Variants in AKAP19 observed in about 807,000 individuals in gnomAD.
AKAP19 encodes the protein small A-kinase anchoring protein.
chr2:190,005,628 C>A, the AKAP19 span, among the ~76,000 whole-genome samples: 5,224 of 152,240 alleles, frequency 0.034, 286 homozygotes, highest in African/African-American at 0.12. Flanking sequence ...CATTTTAGGG[C>A]AGACAGATGG....
At chr2:190,161,988 C>T in the AKAP19 span, among the ~76,000 whole-genome samples, 173 of 152,268 alleles carry the variant, frequency 1.1e-3, 1 homozygote, top group South Asian at 7.2e-3. Context: ...TTATAATTGA[C>T]ATCTCTATTA....
At chr2:190,038,814 C>T in the AKAP19 span, among the ~76,000 whole-genome samples, 1 of 152,084 alleles carries the variant, frequency 6.6e-6, no homozygotes, top group South Asian at 2.1e-4. Context: ...AAAAGAAAAA[C>T]ATTGTGTGGC....
chr2:189,891,601 G>A, the AKAP19 span, among the ~76,000 whole-genome samples: 1 of 152,052 alleles, frequency 6.6e-6, no homozygotes, highest in Non-Finnish European at 1.5e-5. Context: ...AGAGAGATCT[G>A]CTGTTAGTCT....
At chr2:189,923,993 T>G in the AKAP19 span, 1 of 1,597,516 alleles carries the variant, frequency 6.3e-7, no homozygotes, top group Non-Finnish European at 8.6e-7. Context: ...CAATGTTAAG[T>G]CAGAAGAGGA....
chr2:189,936,242 T>C, the AKAP19 span, among the ~76,000 whole-genome samples: 1 of 141,756 alleles, frequency 7.1e-6, no homozygotes, highest in Non-Finnish European at 1.5e-5. Flanking sequence ...CTTGAATGAC[T>C]CTGTTAGACT....
At chr2:190,146,519 T>C in the AKAP19 span, among the ~76,000 whole-genome samples, 1 of 152,216 alleles carries the variant, frequency 6.6e-6, no homozygotes, top group Admixed American at 6.5e-5. Context: ...AGATACCCAG[T>C]AATGGGATTG....
At chr2:190,198,631 CAAAAAAAAAAAA>C in the AKAP19 span, among the ~76,000 whole-genome samples, 7 of 70,590 alleles carry the variant, frequency 9.9e-5, no homozygotes, top group South Asian at 1.3e-3. Flanking sequence ...GACCCTGTCT[CAAAAAAAAAAAA>C]AAAAAAAAAA....
At chr2:189,914,416 T>A in the AKAP19 span, among the ~76,000 whole-genome samples, 1 of 152,054 alleles carries the variant, frequency 6.6e-6, no homozygotes, top group Admixed American at 6.5e-5. Context: ...AAAATTTTAT[T>A]TGTTTATTTT....
the AKAP19 span, among the ~76,000 whole-genome samples, chr2:190,134,033 A>G: frequency 3.3e-5 from 5 of 152,200 alleles, no homozygotes; most frequent in Admixed American, 3.3e-4. Context: ...TAATTAGCTT[A>G]CTTTAGCCAT....
chr2:189,885,691 A>C, the AKAP19 span, among the ~76,000 whole-genome samples: 1 of 152,238 alleles, frequency 6.6e-6, no homozygotes, highest in African/African-American at 2.4e-5. Context: ...GAAAATGATC[A>C]GTATAGGGAT....
the AKAP19 span, among the ~76,000 whole-genome samples, chr2:190,064,357 A>C: frequency 6.6e-6 from 1 of 152,138 alleles, no homozygotes; most frequent in African/African-American, 2.4e-5. Flanking sequence ...TAAATCTTTC[A>C]AATGTTATGA....
the AKAP19 span, among the ~76,000 whole-genome samples, chr2:190,037,855 G>A: frequency 6.6e-6 from 1 of 152,122 alleles, no homozygotes; most frequent in African/African-American, 2.4e-5. Context: ...CTCTAATGAT[G>A]AAAAATGCTT....
At chr2:190,031,873 G>A in the AKAP19 span, among the ~76,000 whole-genome samples, 1 of 152,166 alleles carries the variant, frequency 6.6e-6, no homozygotes, top group South Asian at 2.1e-4. Flanking sequence ...TTCTGAATAT[G>A]TCTAAGAGAG....
chr2:189,883,239 T>C, the AKAP19 span, among the ~76,000 whole-genome samples: 1 of 152,242 alleles, frequency 6.6e-6, no homozygotes, highest in East Asian at 1.9e-4. Context: ...CTAATGCTAC[T>C]TGTCAGGGAG....
At chr2:190,081,607 TTC>T in the AKAP19 span, among the ~76,000 whole-genome samples, 1 of 152,214 alleles carries the variant, frequency 6.6e-6, no homozygotes, top group Non-Finnish European at 1.5e-5. Flanking sequence ...CGTGCCTTTT[TTC>T]TGTTATTCTA....
the AKAP19 span, among the ~76,000 whole-genome samples, chr2:189,886,097 C>G: frequency 6.6e-6 from 1 of 152,206 alleles, no homozygotes; most frequent in African/African-American, 2.4e-5. Context: ...GCATAAGTCA[C>G]TGTGCCCAGC....
the AKAP19 span, among the ~76,000 whole-genome samples, chr2:190,186,032 A>G: frequency 6.6e-6 from 1 of 152,164 alleles, no homozygotes; most frequent in African/African-American, 2.4e-5. The surrounding 1 kb of genome is among the most constrained non-coding windows in gnomAD (Gnocchi z 5.5). Flanking sequence ...GCTCTCTGCA[A>G]CTTCTGCCTC....
At chr2:190,019,532 C>A in the AKAP19 span, among the ~76,000 whole-genome samples, 1 of 151,924 alleles carries the variant, frequency 6.6e-6, no homozygotes, top group Non-Finnish European at 1.5e-5. Flanking sequence ...TGATGTGGTG[C>A]CACTGCTGGC....
At chr2:189,970,896 C>T in the AKAP19 span, among the ~76,000 whole-genome samples, 1 of 152,178 alleles carries the variant, frequency 6.6e-6, no homozygotes, top group Non-Finnish European at 1.5e-5. Context: ...ACAATATCGC[C>T]CTATGGCTGT....
Sources: gnomAD v4.1 joint callset for allele counts (sites outside exome capture counted in the v4.1 genomes callset) on GRCh38, gnomAD v4.1.1 for gene constraint, Gnocchi (gnomAD v3.1) non-coding constraint, MANE v1.5 for transcripts, NCBI Gene and HGNC (gene_info 2026-07-23, HGNC 2026-07-21) for gene names.